The following KLF8 variants were observed in gnomAD, a reference collection of about 807,000 sequenced individuals.
KLF8 encodes the protein KLF transcription factor 8, also known as Krueppel-like factor 8.
In KLF8, 10 loss-of-function variants were observed where a neutral mutation model predicts 18.2. The ratio of observed to expected loss-of-function variants is 0.55; its 90% CI spans 0.34 to 0.93. The LOEUF is 0.93. Ranked by LOEUF, KLF8 falls within the 40% of genes least tolerant of loss-of-function variation. The pLI is 0.02. For missense variants in KLF8, 264 were observed against 277.9 expected (o/e 0.95, Z 0.36); for synonymous variants, 109 against 97.3 (o/e 1.12, Z -0.71).
chrX:56,222,892 C>G, the KLF8 span, among the ~76,000 whole-genome samples: 1 of 113,035 alleles, frequency 8.8e-6, no homozygotes, highest in East Asian at 2.8e-4. Context: ...CTAGCTGGCC[C>G]GCAAGCGCCG....
the KLF8 span, among the ~76,000 whole-genome samples, chrX:55,919,814 A>G: frequency 9.0e-6 from 1 of 111,439 alleles, no homozygotes; most frequent in South Asian, 3.8e-4. Context: ...AGGTCATAAT[A>G]TTTTGGGAGC....
chrX:55,926,844 C>A, the KLF8 span, among the ~76,000 whole-genome samples: 1 of 110,179 alleles, frequency 9.1e-6, no homozygotes, highest in Non-Finnish European at 1.9e-5. Context: ...AATTATAGTT[C>A]AGTTGAAGCT....
the KLF8 span, among the ~76,000 whole-genome samples, chrX:56,083,263 C>G: frequency 9.0e-6 from 1 of 111,707 alleles, no homozygotes; most frequent in African/African-American, 3.3e-5. Flanking sequence ...GTTATGGAAA[C>G]AAAAGTTATG....
the KLF8 span, among the ~76,000 whole-genome samples, chrX:55,969,133 T>C: frequency 1.8e-5 from 2 of 111,930 alleles, no homozygotes; most frequent in South Asian, 3.7e-4. Context: ...GAACATTCAA[T>C]TGAATGGCTG....
At chrX:56,155,020 G>A in the KLF8 span, among the ~76,000 whole-genome samples, 1 of 112,118 alleles carries the variant, frequency 8.9e-6, no homozygotes, top group Admixed American at 9.5e-5. Context: ...CTGTAAACTA[G>A]TTCAACCATT....
the KLF8 span, among the ~76,000 whole-genome samples, chrX:56,215,676 A>T: frequency 9.3e-6 from 1 of 107,317 alleles, no homozygotes; most frequent in African/African-American, 3.4e-5. Flanking sequence ...TACAAAAATT[A>T]GCCAGGTGTG....
At chrX:56,157,184 A>G in the KLF8 span, among the ~76,000 whole-genome samples, 16 of 97,318 alleles carry the variant, frequency 1.6e-4, no homozygotes, top group Non-Finnish European at 2.7e-4. Flanking sequence ...GAATTCAACA[A>G]TGAGAACATA....
the KLF8 span, among the ~76,000 whole-genome samples, chrX:56,169,910 G>T: frequency 9.0e-6 from 1 of 111,366 alleles, no homozygotes; most frequent in Non-Finnish European, 1.9e-5. Flanking sequence ...CTGACTTAAG[G>T]TCTGACGAGC....
the KLF8 span, among the ~76,000 whole-genome samples, chrX:56,040,453 G>A: frequency 1.4e-4 from 16 of 110,815 alleles, no homozygotes; most frequent in South Asian, 3.7e-4. Context: ...GAATTTTATC[G>A]ACAGCCTTAT....
intron 5 of KLF8, among the ~76,000 whole-genome samples, chrX:56,279,707 GAGA>G (rs778764129): frequency 9.0e-6 from 1 of 111,700 alleles, no homozygotes; most frequent in African/African-American, 3.3e-5. Flanking sequence ...TGGAGATGGA[GAGA>G]AGGAGGTACA....
rs1335649757 is a variant in KLF8, at chrX:56,286,958, C to T, written c.*2464C>T. On this transcript the variant is annotated 3_prime_UTR_variant, in exon 6 of 6. Transcript: ENST00000468660. Reference sequence around the variant, plus strand: ...TTGATGCAGTATTTCACAGTAGAGCCCGAGCTTACTCATTTTTTTCAAAAT... The same window carrying T: ...TTGATGCAGTATTTCACAGTAGAGCTCGAGCTTACTCATTTTTTTCAAAAT... 1 of 111,425 alleles carries T rather than the reference C, an allele frequency of 9.0e-6. No homozygotes were observed. Among genetic ancestry groups the T allele is most frequent in the Non-Finnish European group, 1.9e-5 (1 of 53,044 alleles). 9.2% of individuals were successfully genotyped at this position (111,425 alleles called of 1,213,427 possible).
At chrX:56,175,544 A>T in the KLF8 span, among the ~76,000 whole-genome samples, 1 of 111,696 alleles carries the variant, frequency 9.0e-6, no homozygotes, top group Non-Finnish European at 1.9e-5. Context: ...GAATAAGTAC[A>T]GTGTGGTACT....
At chrX:56,184,714 C>T in the KLF8 span, among the ~76,000 whole-genome samples, 2 of 111,729 alleles carry the variant, frequency 1.8e-5, no homozygotes, top group African/African-American at 6.5e-5. Flanking sequence ...ATTCGTGGTT[C>T]ATGAAATTCC....
the KLF8 span, among the ~76,000 whole-genome samples, chrX:56,221,787 G>A: frequency 8.9e-6 from 1 of 111,784 alleles, no homozygotes; most frequent in African/African-American, 3.3e-5. Flanking sequence ...GCAGCAGCAA[G>A]ATTTATTGCA....
At chrX:56,034,916 C>T in the KLF8 span, among the ~76,000 whole-genome samples, 66 of 106,383 alleles carry the variant, frequency 6.2e-4, no homozygotes, top group Non-Finnish European at 9.7e-4. Flanking sequence ...CTACCACGCC[C>T]GGCTAATTTT....
chrX:56,225,773 G>A, the KLF8 span, among the ~76,000 whole-genome samples: 1 of 112,285 alleles, frequency 8.9e-6, no homozygotes, highest in Non-Finnish European at 1.9e-5. Context: ...TAAGTAACTT[G>A]TCCTAGGTCA....
chrX:56,072,971 G>A, the KLF8 span, among the ~76,000 whole-genome samples: 5 of 100,811 alleles, frequency 5.0e-5, no homozygotes, highest in Non-Finnish European at 6.1e-5. Flanking sequence ...TTTGCATCTG[G>A]CTTATTTCGC....
At chrX:55,940,288 CTCCATAGATGCAGAAAAGGCCTTTGATA>C in the KLF8 span, among the ~76,000 whole-genome samples, 1 of 111,886 alleles carries the variant, frequency 8.9e-6, no homozygotes, top group Non-Finnish European at 1.9e-5. Context: ...ACATGATTAT[CTCCATAGATGCAGAAAAGGCCTTTGATA>C]AAATTCAACA....
chrX:56,153,113 T>G, the KLF8 span, among the ~76,000 whole-genome samples: 5 of 111,742 alleles, frequency 4.5e-5, no homozygotes, highest in Admixed American at 1.9e-4. Flanking sequence ...ATTCAAAAAT[T>G]TAATATGATA....
Sources: gnomAD v4.1 joint callset for allele counts (sites outside exome capture counted in the v4.1 genomes callset) on GRCh38, gnomAD v4.1.1 for gene constraint, MANE v1.5 for transcripts, NCBI Gene and HGNC (gene_info 2026-07-23, HGNC 2026-07-21) for gene names.